The following SLC4A4 variants were observed in gnomAD, a reference collection of about 807,000 sequenced individuals.
The protein encoded by SLC4A4 is solute carrier family 4 member 4.
SLC4A4 carries 27 observed loss-of-function variants against 111.5 expected under a neutral mutation model. The ratio of observed to expected loss-of-function variants is 0.24; its 90% CI spans 0.18 to 0.33. SLC4A4 has a LOEUF of 0.33. SLC4A4 is among the 10% of genes least tolerant of loss of function. The pLI is 1.00. For missense variants in SLC4A4, 909 were observed against 1,315.5 expected (o/e 0.69, Z 4.78); for synonymous variants, 443 against 463.4 (o/e 0.96, Z 0.57).
rs543063777 is a variant in SLC4A4 at position 71,215,931 on chromosome 4, GTCTTGC to G, written c.-1-20641_-1-20636del. ...TTTTTTTTTTTTTTTTTGAGATGGAGTCTTGCTCTGTCGCCCAGGCTGGAGTGCAGT... is the reference window on the plus strand; with the variant it reads ...TTTTTTTTTTTTTTTTTGAGATGGAGTCTGTCGCCCAGGCTGGAGTGCAGT... On this transcript the variant is annotated intron_variant, in intron 1 of 25. Coordinates refer to ENST00000264485, the MANE Select transcript of SLC4A4 (RefSeq NM_001098484.3). Among the ~76,000 whole-genome samples the G allele has an allele frequency of 1.0e-3, 148 of 142,814 alleles. 1 individual carries two copies. The highest frequency in any genetic ancestry group is 3.7e-3 in the African/African-American group (140 of 37,926). 93.7% of individuals were successfully genotyped at this position (142,814 alleles called of 152,430 possible). A position where few individuals can be genotyped will look rare whatever the true frequency, so the allele number is the denominator to read the frequency against.
Position 71,514,082 on chromosome 4 carries a change from G to A in SLC4A4, c.2166+16390G>A, listed in dbSNP as rs61255951. 9.0e-3 allele frequency among the ~76,000 whole-genome samples: 1,376 copies of A among 152,222 alleles called. 21 individuals carry two copies. Among genetic ancestry groups the A allele is most frequent in the African/African-American group, 0.03 (1,260 of 41,524 alleles). Reference sequence around the variant, plus strand: ...TGCATCTGTGCTTATCAGAAGTATTGACCTGTATTTGTCTTTTTTTCTATT... The same window carrying A: ...TGCATCTGTGCTTATCAGAAGTATTAACCTGTATTTGTCTTTTTTTCTATT... On this transcript the variant is annotated intron_variant, in intron 16 of 25. Coordinates refer to ENST00000264485, the MANE Select transcript of SLC4A4 (RefSeq NM_001098484.3).
intron 1 of SLC4A4, among the ~76,000 whole-genome samples, chr4:71,219,183 C>G (rs1417103327): frequency 6.6e-6 from 1 of 152,158 alleles, no homozygotes; most frequent in Non-Finnish European, 1.5e-5. Context: ...CAAGATAGGT[C>G]AAGAGTTAGG....
intron 1 of SLC4A4, among the ~76,000 whole-genome samples, chr4:71,084,795 A>T (rs538334683): frequency 2.6e-4 from 40 of 152,150 alleles, no homozygotes; most frequent in Middle Eastern, 6.8e-3. Flanking sequence ...TTCTTAATCC[A>T]GTCTACTATT....
intron 5 of SLC4A4, among the ~76,000 whole-genome samples, chr4:71,355,080 A>G (rs958141141): frequency 3.3e-5 from 5 of 152,260 alleles, no homozygotes; most frequent in Non-Finnish European, 7.3e-5. Flanking sequence ...AATGAAGGGC[A>G]TAAAGCCACA....
At chr4:71,074,946 C>G (rs533365214) in intron 1 of SLC4A4, among the ~76,000 whole-genome samples, 1 of 152,310 alleles carries the variant, frequency 6.6e-6, no homozygotes, top group South Asian at 2.1e-4. Flanking sequence ...GTGTCAGTGC[C>G]TCTCCTTAAA....
intron 6 of SLC4A4, among the ~76,000 whole-genome samples, chr4:71,388,417 T>C (rs1353926748): frequency 6.6e-6 from 1 of 152,214 alleles, no homozygotes; most frequent in Non-Finnish European, 1.5e-5. Flanking sequence ...CCAGTCTTTA[T>C]ATGTCTTTTG....
chr4:71,265,223 A>T (rs1373147874), intron 3 of SLC4A4, among the ~76,000 whole-genome samples: 4 of 152,206 alleles, frequency 2.6e-5, no homozygotes, highest in Non-Finnish European at 4.4e-5. Flanking sequence ...CTCTTCTGGC[A>T]GATGGAGAGA....
chr4:71,098,142 G>C (rs112777823), intron 2 of SLC4A4, among the ~76,000 whole-genome samples: 1,951 of 152,236 alleles, frequency 0.013, 37 homozygotes, highest in East Asian at 0.05. Flanking sequence ...GTCTTCCAGA[G>C]TTTTTATAGT....
At chr4:71,407,872 T>C (rs763446898) in intron 7 of SLC4A4, among the ~76,000 whole-genome samples, 2 of 152,076 alleles carry the variant, frequency 1.3e-5, no homozygotes, top group African/African-American at 4.8e-5. Context: ...AATAGAGAGT[T>C]ACAACACACT....
chr4:71,145,216 T>A (rs1191421343), intron 2 of SLC4A4, among the ~76,000 whole-genome samples: 1 of 152,226 alleles, frequency 6.6e-6, no homozygotes, highest in Non-Finnish European at 1.5e-5. Flanking sequence ...CATGTGGTTT[T>A]TGTCTTTGGT....
At chr4:71,503,614 C>G (rs978145917) in intron 16 of SLC4A4, among the ~76,000 whole-genome samples, 1 of 152,012 alleles carries the variant, frequency 6.6e-6, no homozygotes, top group Non-Finnish European at 1.5e-5. Context: ...ATGTTTGTTA[C>G]CTTAATTTAC....
intron 22 of SLC4A4, among the ~76,000 whole-genome samples, chr4:71,558,865 A>G (rs1736708554): frequency 6.7e-6 from 1 of 150,356 alleles, no homozygotes; most frequent in African/African-American, 2.5e-5. Flanking sequence ...CCTTTTTTTA[A>G]AAAAAAACTA....
chr4:71,308,632 C>T (rs990757892), intron 3 of SLC4A4, among the ~76,000 whole-genome samples: 2 of 151,828 alleles, frequency 1.3e-5, no homozygotes, highest in African/African-American at 2.4e-5. Context: ...CCGGGGGACT[C>T]CCTCCCCTAG....
intron 2 of SLC4A4, among the ~76,000 whole-genome samples, chr4:71,101,287 A>G (rs1248883913): frequency 1.3e-5 from 2 of 152,116 alleles, no homozygotes; most frequent in African/African-American, 2.4e-5. Context: ...AAAAAATTCC[A>G]TGCTCATTAA....
chr4:71,568,040 G>T lies in SLC4A4; in HGVS notation c.*289G>T. ...GCTCTCTCTGCTTCTCTCTTGCATA[G>T]ACACAATCAAGACAATAGTGCACCG... On this transcript the variant is annotated 3_prime_UTR_variant, in exon 26 of 26. Coordinates refer to ENST00000264485, the MANE Select transcript of SLC4A4 (RefSeq NM_001098484.3). 1.6e-6 allele frequency: 1 copy of T among 615,310 alleles called. No individual in the cohort carries two copies. 38.1% of individuals were successfully genotyped at this position (615,310 alleles called of 1,614,324 possible). A position where few individuals can be genotyped will look rare whatever the true frequency, so the allele number is the denominator to read the frequency against.
At chr4:71,506,502 G>A (rs1232090387) in intron 16 of SLC4A4, among the ~76,000 whole-genome samples, 2 of 152,104 alleles carry the variant, frequency 1.3e-5, no homozygotes, top group African/African-American at 4.8e-5. Flanking sequence ...CCTGTGGTTG[G>A]TTTAAAGTAA....
intron 16 of SLC4A4, among the ~76,000 whole-genome samples, chr4:71,524,545 G>A (rs761346098): frequency 2.0e-5 from 3 of 152,056 alleles, no homozygotes; most frequent in Admixed American, 6.6e-5. Context: ...CACTAAAATC[G>A]TAGAGTCAAA....
At chr4:71,179,085 C>T (rs1745196443) in intron 2 of SLC4A4, among the ~76,000 whole-genome samples, 1 of 152,172 alleles carries the variant, frequency 6.6e-6, no homozygotes, top group Non-Finnish European at 1.5e-5. Flanking sequence ...AGCATATAAA[C>T]AGAACCAATG....
chr4:71,300,487 G>T, intron 3 of SLC4A4: 1 of 249,022 alleles, frequency 4.0e-6, no homozygotes, highest in Admixed American at 4.3e-5. Context: ...TTCTGCCCAT[G>T]CTGACAAGCC....
Sources: allele counts gnomAD v4.1 joint callset (sites outside exome capture counted in the v4.1 genomes callset), GRCh38; gene constraint gnomAD v4.1.1; transcripts MANE v1.5; gene names NCBI Gene and HGNC (gene_info 2026-07-23, HGNC 2026-07-21).